Variants in HELLS observed in about 807,000 individuals in gnomAD.
The protein encoded by HELLS is lymphoid-specific helicase.
A neutral mutation model predicts 120.0 loss-of-function variants in HELLS; 32 were observed. The observed-to-expected ratio is 0.27, with a 90% confidence interval of 0.20 to 0.36. HELLS has a LOEUF of 0.36. HELLS is among the 10% of genes least tolerant of loss of function. HELLS has a pLI of 1.00. For missense variants in HELLS, 650 were observed against 993.4 expected (o/e 0.65, Z 4.65); for synonymous variants, 341 against 323.4 (o/e 1.05, Z -0.58).
chr10:94,600,837 AAAGACTACT>A (rs1210567362), intron 21 of HELLS, among the ~76,000 whole-genome samples: 2 of 152,156 alleles, frequency 1.3e-5, no homozygotes, highest in African/African-American at 4.8e-5. Context: ...CATTAATAGG[AAAGACTACT>A]ATAAGACAGA....
intron 12 of HELLS, 23 bp downstream of exon 12, chr10:94,583,082 G>T: frequency 7.1e-7 from 1 of 1,399,022 alleles, no homozygotes; most frequent in South Asian, 1.2e-5. Flanking sequence ...TTCTTATTCT[G>T]CTTAACCATA....
rs1391434883 is a variant in HELLS at position 94,576,648 on chromosome 10, A to C, written c.889-14A>C. ...GTTCTTAAGTCTGATAAAAATCAAT[A>C]TAAAATTTTTCAGATCCCTACAATG... is the stretch of plus-strand genomic sequence containing the variant. On this transcript the variant is annotated splice_polypyrimidine_tract_variant and intron_variant, in intron 9 of 21. Coordinates refer to ENST00000348459, the MANE Select transcript of HELLS (RefSeq NM_018063.5). The C allele has an allele frequency of 1.4e-6, 2 of 1,472,718 alleles. No homozygotes were observed. The highest frequency in any genetic ancestry group is 2.8e-5 in the African/African-American group (2 of 71,558). 91.2% of individuals were successfully genotyped at this position (1,472,718 alleles called of 1,614,324 possible). A position where few individuals can be genotyped will look rare whatever the true frequency, so the allele number is the denominator to read the frequency against.
Position 94,597,851 on chromosome 10 carries a change from T to C in HELLS, c.2422+740T>C, listed in dbSNP as rs187578297. Reference sequence around the variant, plus strand: ...CCAAGCCTAACGTGGTGATTTTTAGTATCCCTTGAAAGTGGCTGATAAGAA... The same window carrying C: ...CCAAGCCTAACGTGGTGATTTTTAGCATCCCTTGAAAGTGGCTGATAAGAA... On this transcript the variant is annotated intron_variant, in intron 21 of 21. Transcript: ENST00000348459. 3.9e-5 allele frequency among the ~76,000 whole-genome samples: 6 copies of C among 152,306 alleles called. No individual in the cohort carries two copies. In the South Asian group the frequency reaches 1.2e-3, roughly 32 times the overall value.
intron 6 of HELLS, among the ~76,000 whole-genome samples, chr10:94,563,917 TCTC>T (rs1333873152): frequency 6.6e-6 from 1 of 151,424 alleles, no homozygotes; most frequent in Non-Finnish European, 1.5e-5. Context: ...TTCAAGCAAT[TCTC>T]CTGCCTCAGC....
chr10:94,592,587 C>T (rs1845546077), intron 17 of HELLS, 73 bp downstream of exon 17: 3 of 964,156 alleles, frequency 3.1e-6, no homozygotes, highest in Non-Finnish European at 4.3e-6. Flanking sequence ...AGTAATATTC[C>T]AAATAGACCC....
At chr10:94,575,098 A>G (rs1019034985) in intron 9 of HELLS, among the ~76,000 whole-genome samples, 1 of 121,814 alleles carries the variant, frequency 8.2e-6, no homozygotes, top group African/African-American at 3.1e-5. Flanking sequence ...ACCTTCTGCA[A>G]TTTTTTTTTT....
At chr10:94,576,060 G>A (rs1844464072) in intron 9 of HELLS, among the ~76,000 whole-genome samples, 1 of 152,032 alleles carries the variant, frequency 6.6e-6, no homozygotes, top group African/African-American at 2.4e-5. Flanking sequence ...GCTTCCCAAA[G>A]TGCTGGGGAT....
In HELLS at chr10:94,596,754, T is replaced by A. The variant is rs1845759574; in HGVS notation, c.2249-106T>A. 5 of 605,666 alleles carry A rather than the reference T, an allele frequency of 8.3e-6. No individual in the cohort carries two copies. The East Asian group carries it at 1.4e-4, about 17-fold the overall frequency. The allele number at this position is 605,666 out of a possible 1,614,324, so 37.5% of individuals were successfully genotyped here. On this transcript the variant is annotated intron_variant, in intron 19 of 21. Coordinates refer to ENST00000348459, the MANE Select transcript of HELLS (RefSeq NM_018063.5). ...TTTGCTTTTATTTTTTATCAACACT[T>A]TTTTTTGCCGTCCTTCTTAATGCAA...
At chr10:94,554,867 A>G (rs1031101725) in intron 3 of HELLS, among the ~76,000 whole-genome samples, 2 of 152,048 alleles carry the variant, frequency 1.3e-5, no homozygotes, top group African/African-American at 2.4e-5. Context: ...AAAAACCCAA[A>G]AGGGCTGGGT....
At chr10:94,589,189 A>G (rs1845332630) in intron 13 of HELLS, among the ~76,000 whole-genome samples, 1 of 152,138 alleles carries the variant, frequency 6.6e-6, no homozygotes, top group African/African-American at 2.4e-5. Context: ...TTCCGTACAG[A>G]TTAACTCTAA....
At position 94,562,693 on chromosome 10, in the gene HELLS, T is replaced by A. The variant is rs561336502; in HGVS notation, c.336T>A (p.Gly112=). ...TATTCTGAATCCTTGTTTTGTAGGG[T>A]AAAAATTCAATTGATGCAAGTGAAG... ...RKKESLKVKK[G]KNSIDASEEK... Residue 112 remains glycine, a splice_region_variant and synonymous_variant, in exon 5 of 22, where the codon GGT becomes GGA. Coordinates refer to ENST00000348459, the MANE Select transcript of HELLS (RefSeq NM_018063.5). 1 of 1,583,372 alleles carries A rather than the reference T, an allele frequency of 6.3e-7. No individual in the cohort carries two copies. The highest frequency in any genetic ancestry group is 1.1e-5 in the South Asian group (1 of 87,364).
At chr10:94,559,595 G>A (rs935121286) in intron 4 of HELLS, among the ~76,000 whole-genome samples, 6 of 151,852 alleles carry the variant, frequency 4.0e-5, no homozygotes, top group African/African-American at 7.2e-5. Context: ...ACAGGTGCGC[G>A]CCACCATGCC....
chr10:94,604,234 C>T (rs1846101281), downstream of HELLS, among the ~76,000 whole-genome samples: 1 of 151,114 alleles, frequency 6.6e-6, no homozygotes, highest in African/African-American at 2.4e-5. Flanking sequence ...AAGTGATTCT[C>T]ATTCCTTGGC....
intron 19 of HELLS, among the ~76,000 whole-genome samples, chr10:94,595,752 A>G (rs1845708661): frequency 6.6e-6 from 1 of 152,222 alleles, no homozygotes; most frequent in African/African-American, 2.4e-5. Flanking sequence ...AAATGGCTTG[A>G]TAGCTACCTG....
chr10:94,548,883 A>G (rs943889161), intron 2 of HELLS, among the ~76,000 whole-genome samples: 1 of 152,076 alleles, frequency 6.6e-6, no homozygotes, highest in Non-Finnish European at 1.5e-5. Context: ...AGTCCCAACT[A>G]CTCAGGAGGC....
chr10:94,591,878 G>C (rs1845505730), intron 15 of HELLS, among the ~76,000 whole-genome samples: 1 of 152,154 alleles, frequency 6.6e-6, no homozygotes, highest in Non-Finnish European at 1.5e-5. Flanking sequence ...TCTAGCAGTA[G>C]TTTACATATA....
downstream of HELLS, among the ~76,000 whole-genome samples, chr10:94,604,251 A>G (rs1053991990): frequency 6.6e-6 from 1 of 150,934 alleles, no homozygotes; most frequent in Non-Finnish European, 1.5e-5. Flanking sequence ...TGGCCTCCCG[A>G]GTAGCTGGGA....
chr10:94,581,458 A>G lies in HELLS; in HGVS notation c.1165A>G (p.Asn389Asp). 2 of 1,613,022 alleles carry G rather than the reference A, an allele frequency of 1.2e-6. No homozygotes were observed. Among genetic ancestry groups the G allele is most frequent in the Non-Finnish European group, 1.7e-6 (2 of 1,179,604 alleles). The stretch of plus-strand genomic sequence containing the variant: ...TTTGACTGGTACTCCCTTGCAAAAC[A>G]ATTTATCAGAACTTTGGTCATTGCT... ...LLLTGTPLQN[N>D]LSELWSLLNF... The change falls in exon 11 of 22, where the codon AAT becomes GAT. Residue 389 changes from asparagine to aspartate, a missense_variant. Around this residue, in one of 9 missense-constraint regions of HELLS, gnomAD observed 48 missense variants for 127.0 expected, o/e 0.38. Coordinates refer to ENST00000348459, the MANE Select transcript of HELLS (RefSeq NM_018063.5).
At chr10:94,577,980 G>A (rs1049748974) in intron 10 of HELLS, among the ~76,000 whole-genome samples, 9 of 151,324 alleles carry the variant, frequency 5.9e-5, no homozygotes, top group African/African-American at 7.3e-5. Flanking sequence ...GGAGAATGGC[G>A]TGAACCCGGG....
Sources: allele counts gnomAD v4.1 joint callset (sites outside exome capture counted in the v4.1 genomes callset), GRCh38; gene constraint gnomAD v4.1.1; regional missense constraint gnomAD v4.1.1; transcripts MANE v1.5; gene names NCBI Gene and HGNC (gene_info 2026-07-23, HGNC 2026-07-21).